The following TJP2 variants were observed in gnomAD, a reference collection of about 807,000 sequenced individuals.
The protein encoded by TJP2 is tight junction protein 2.
Under a neutral mutation model 133.1 loss-of-function variants are expected in TJP2, and 91 were observed. That is an observed-to-expected ratio of 0.68 (90% CI 0.58 to 0.81). The LOEUF is 0.81. Among genes scored for constraint, TJP2 ranks in the 40% least tolerant of loss-of-function variants. TJP2 has a pLI of 0.00. For missense variants in TJP2, 1,541 were observed against 1,565.6 expected (o/e 0.98, Z 0.26); for synonymous variants, 592 against 583.4 (o/e 1.01, Z -0.21).
In TJP2 at chr9:69,223,555, C is replaced by T. The variant is rs141160992; in HGVS notation, c.953-1749C>T. 5.6e-3 allele frequency among the ~76,000 whole-genome samples: 852 copies of T among 152,348 alleles called. 9 individuals carry two copies. The highest frequency in any genetic ancestry group is 0.014 in the African/African-American group (596 of 41,586). ...ATCTCCTGACCTCATGATCCGCCCA[C>T]CTCAGCCTCCCGAAGTGCTGGGATT... On this transcript the variant is annotated intron_variant, in intron 5 of 22. Transcript: ENST00000377245.
rs557313489 is a variant in TJP2 at position 69,126,881 on chromosome 9, A to T, written c.-131+5156A>T. Among the ~76,000 whole-genome samples, 2 of 76,948 alleles carry T rather than the reference A, an allele frequency of 2.6e-5. 1 individual carries two copies. Among genetic ancestry groups the T allele is most frequent in the East Asian group, 7.9e-4 (2 of 2,522 alleles). The allele number at this position is 76,948 out of a possible 152,430, so 50.5% of individuals were successfully genotyped here. ...ATACAATTCACTTATTTAGTCTACAATTCAATGTCTTTTAGGATATTTGTG... is the reference window on the plus strand; with the variant it reads ...ATACAATTCACTTATTTAGTCTACATTTCAATGTCTTTTAGGATATTTGTG... On this transcript the variant is annotated intron_variant, in intron 1 of 5. Transcript: ENST00000423935.
intron 11 of TJP2, among the ~76,000 whole-genome samples, chr9:69,233,029 A>T (rs987141627): frequency 6.6e-6 from 1 of 152,202 alleles, no homozygotes; most frequent in African/African-American, 2.4e-5. Flanking sequence ...ATGTGAAAAT[A>T]TACATATGGC....
At chr9:69,137,500 C>T (rs1280017415) in intron 1 of TJP2, among the ~76,000 whole-genome samples, 6 of 151,174 alleles carry the variant, frequency 4.0e-5, no homozygotes, top group African/African-American at 1.5e-4. Flanking sequence ...GTAGCTGGAA[C>T]CACAGATGCG....
Position 69,236,092 on chromosome 9 carries a change from T to G in TJP2, c.1845T>G (p.Cys615Trp). 6.2e-7 allele frequency: 1 copy of G among 1,614,154 alleles called. No homozygotes were observed. Among genetic ancestry groups the G allele is most frequent in the Non-Finnish European group, 8.5e-7 (1 of 1,180,026 alleles). Residue 615 changes from cysteine (C) to tryptophan (W), a missense_variant, in exon 13 of 23, where the codon TGT (cysteine) becomes TGG (tryptophan). Transcript: ENST00000377245. ...TTTTTATAAGAAGCCACTTTGAATG[T>G]GAGAAGGAAACTCCACAGAGCCTGG... ...DSFFIRSHFE[C>W]EKETPQSLAF...
chr9:69,229,984 C>A, intron 10 of TJP2, 98 bp from the exon 11 acceptor site: 1 of 1,459,774 alleles, frequency 6.9e-7, no homozygotes, highest in Non-Finnish European at 9.6e-7. Flanking sequence ...ATAAATCACT[C>A]TGTAGCTAGA....
intron 1 of TJP2, among the ~76,000 whole-genome samples, chr9:69,194,006 C>T (rs1826381871): frequency 6.6e-6 from 1 of 152,060 alleles, no homozygotes; most frequent in Non-Finnish European, 1.5e-5. Flanking sequence ...CAGTTGAAAC[C>T]ATAAATTGTA....
intron 17 of TJP2, among the ~76,000 whole-genome samples, chr9:69,244,537 A>T (rs1358766546): frequency 6.6e-6 from 1 of 152,212 alleles, no homozygotes; most frequent in Non-Finnish European, 1.5e-5. Context: ...TTGAGCTCAA[A>T]AGATAGAGTA....
In TJP2 at chr9:69,234,586, G is replaced by C. The variant is rs375978638; in HGVS notation, c.1780+39G>C. The C allele has an allele frequency of 2.7e-6, 3 of 1,110,242 alleles. No homozygotes were observed. In the East Asian group the frequency reaches 7.6e-5, roughly 28 times the overall value. 68.8% of individuals were successfully genotyped at this position (1,110,242 alleles called of 1,614,324 possible). ...GTCATTTAGTTTAGTTGGGGTGGGG[G>C]TGGGGAGTGGGAAGGATGAGAGAGG... is the stretch of plus-strand genomic sequence containing the variant. On this transcript the variant is annotated intron_variant, in intron 12 of 22. Coordinates refer to ENST00000377245, the MANE Select transcript of TJP2 (RefSeq NM_004817.4).
intron 1 of TJP2, among the ~76,000 whole-genome samples, chr9:69,139,031 T>TG (rs1368550990): frequency 6.6e-6 from 1 of 152,104 alleles, no homozygotes; most frequent in Non-Finnish European, 1.5e-5. Flanking sequence ...CTGGCCAACA[T>TG]GGTAAAACTC....
At chr9:69,234,897 T>A (rs571422235) in intron 12 of TJP2, among the ~76,000 whole-genome samples, 2 of 152,322 alleles carry the variant, frequency 1.3e-5, no homozygotes, top group South Asian at 4.1e-4. Context: ...CTGTTACCCC[T>A]GTCCAGTCTG....
intron 16 of TJP2, among the ~76,000 whole-genome samples, chr9:69,239,581 C>T (rs1052779605): frequency 2.0e-5 from 3 of 152,072 alleles, no homozygotes; most frequent in Admixed American, 6.5e-5. Flanking sequence ...GAGGCAGAGG[C>T]GGGCGGATCA....
chr9:69,144,485 C>T (rs1823132700), intron 1 of TJP2, among the ~76,000 whole-genome samples: 1 of 151,730 alleles, frequency 6.6e-6, no homozygotes, highest in Non-Finnish European at 1.5e-5. Context: ...TGTATGTTGC[C>T]ATAGCACATC....
At chr9:69,221,536 T>A in intron 5 of TJP2, 40 bp downstream of exon 5, 1 of 1,582,366 alleles carries the variant, frequency 6.3e-7, no homozygotes, top group Non-Finnish European at 8.6e-7. Flanking sequence ...ACTGTTGTGA[T>A]ATGAATAACC....
chr9:69,222,016 C>T (rs772887719), intron 5 of TJP2, among the ~76,000 whole-genome samples: 17 of 151,710 alleles, frequency 1.1e-4, no homozygotes, highest in African/African-American at 3.4e-4. Context: ...GGATCACAGG[C>T]GTGCACCACC....
chr9:69,216,578 A>G (rs140777879), intron 3 of TJP2, 115 bp downstream of exon 3: 18 of 1,170,162 alleles, frequency 1.5e-5, no homozygotes, highest in Non-Finnish European at 2.1e-5. Context: ...ACAAACTTTT[A>G]TATAATATTT....
intron 1 of TJP2, among the ~76,000 whole-genome samples, chr9:69,127,311 C>T (rs2133220630): frequency 1.3e-5 from 1 of 75,056 alleles, no homozygotes; most frequent in African/African-American, 4.1e-5. Context: ...CCTCGTGATC[C>T]GCCTGCCTCA....
chr9:69,217,574 T>C (rs1038514024), intron 3 of TJP2, among the ~76,000 whole-genome samples: 8 of 152,110 alleles, frequency 5.3e-5, no homozygotes, highest in African/African-American at 1.9e-4. Flanking sequence ...CCCAGCTACT[T>C]GGGAGGCTAA....
At chr9:69,169,971 G>T (rs1324678399), upstream of TJP2, among the ~76,000 whole-genome samples, 3 of 152,108 alleles carry the variant, frequency 2.0e-5, no homozygotes, top group African/African-American at 7.2e-5. Flanking sequence ...TCCTCGAGTA[G>T]CTGGGACTAC....
Position 69,206,778 on chromosome 9 carries a change from C to A in TJP2, c.61-5770C>A, listed in dbSNP as rs1480315730. Among the ~76,000 whole-genome samples the A allele has an allele frequency of 5.9e-5, 9 of 151,858 alleles. No individual in the cohort carries two copies. The South Asian group carries it at 1.5e-3, about 24-fold the overall frequency. The stretch of plus-strand genomic sequence containing the variant: ...ATTTTTAGTAGAGATGGGGTTTAAC[C>A]ATGTTAGTCAGTATGGTCTTGATCT... On this transcript the variant is annotated intron_variant, in intron 1 of 22. Coordinates refer to ENST00000377245, the MANE Select transcript of TJP2 (RefSeq NM_004817.4).
Sources: gnomAD v4.1 joint callset for allele counts (sites outside exome capture counted in the v4.1 genomes callset) on GRCh38, gnomAD v4.1.1 for gene constraint, MANE v1.5 for transcripts, NCBI Gene and HGNC (gene_info 2026-07-23, HGNC 2026-07-21) for gene names.